SCN8A: variants seen among roughly 807,000 people sequenced by gnomAD.
SCN8A encodes the protein sodium channel protein type 8 subunit alpha.
Under a neutral mutation model 184.1 loss-of-function variants are expected in SCN8A, and 30 were observed. The observed-to-expected ratio is 0.16, with a 90% CI of 0.12 to 0.22. The LOEUF (loss-of-function observed/expected upper bound fraction) is 0.22. Ranked by LOEUF, SCN8A falls within the 10% of genes least tolerant of loss-of-function variation. The pLI, the probability that SCN8A is intolerant of heterozygous loss-of-function variation, is 1.00. For synonymous variants in SCN8A, 852 were observed against 907.0 expected, an observed-to-expected ratio of 0.94 and a Z score of 1.09; for missense variants, 1,057 against 2,498.9, an observed-to-expected ratio of 0.42 and a Z score of 12.30.
In SCN8A at chr12:51,636,384, C is replaced by T. The variant is rs116728022; in HGVS notation, c.-54-26380C>T. 9.5e-3 allele frequency among the ~76,000 whole-genome samples: 1,451 copies of T among 152,260 alleles called. 19 individuals are homozygous for T. Among genetic ancestry groups the T allele is most frequent in the African/African-American group, 0.032 (1,313 of 41,548 alleles). Reference sequence around the variant, plus strand: ...TATCTGGAGTAAGTCAGCCTGTTGGCCCATCACCATCTTCCACCTAGTAAT... The same window carrying T: ...TATCTGGAGTAAGTCAGCCTGTTGGTCCATCACCATCTTCCACCTAGTAAT... On this transcript the variant is annotated intron_variant, in intron 1 of 26. Transcript: ENST00000627620.
chr12:51,807,032 T>G lies in SCN8A; in HGVS notation c.5546T>G (p.Phe1849Cys), dbSNP rs1334207422. ...GDRIHCLDIL[F>C]AFTKRVLGDS... ...CGCATCCACTGCTTGGACATCCTTTTTGCCTTCACCAAGCGGGTCCTGGGA... is the reference window on the plus strand; with the variant it reads ...CGCATCCACTGCTTGGACATCCTTTGTGCCTTCACCAAGCGGGTCCTGGGA... The change falls in exon 27 of 27, where the codon TTT becomes TGT. Residue 1849 changes from phenylalanine to cysteine, a missense_variant. Coordinates refer to ENST00000627620, the MANE Select transcript of SCN8A (RefSeq NM_001330260.2). The surrounding 1 kb of genome is among the most constrained non-coding windows in gnomAD (Gnocchi z 4.5). 1 of 1,613,874 alleles carries G rather than the reference T, an allele frequency of 6.2e-7. No homozygotes were observed. The highest frequency in any genetic ancestry group is 1.3e-5 in the African/African-American group (1 of 74,926).
chr12:51,635,800 T>A (rs985747571), intron 1 of SCN8A, among the ~76,000 whole-genome samples: 2 of 152,224 alleles, frequency 1.3e-5, no homozygotes, highest in African/African-American at 4.8e-5. Context: ...GTGTTGTTTT[T>A]AAATCTGGCC....
chr12:51,753,448 T>A (rs1942626134), intron 14 of SCN8A, among the ~76,000 whole-genome samples: 1 of 152,220 alleles, frequency 6.6e-6, no homozygotes, highest in African/African-American at 2.4e-5. Flanking sequence ...GAGTTCTGTT[T>A]TGGACATATT....
At chr12:51,652,278 A>G (rs1376909977) in intron 1 of SCN8A, among the ~76,000 whole-genome samples, 2 of 151,844 alleles carry the variant, frequency 1.3e-5, no homozygotes, top group Non-Finnish European at 2.9e-5. Context: ...CAGTCAACAA[A>G]ACTGTCCAGT....
chr12:51,641,142 G>A (rs1940444384), intron 1 of SCN8A, among the ~76,000 whole-genome samples: 1 of 152,186 alleles, frequency 6.6e-6, no homozygotes, highest in Non-Finnish European at 1.5e-5. Flanking sequence ...TAAAAATACA[G>A]TGTAACAACT....
At chr12:51,635,715 A>C (rs935143296) in intron 1 of SCN8A, among the ~76,000 whole-genome samples, 1 of 152,172 alleles carries the variant, frequency 6.6e-6, no homozygotes, top group Non-Finnish European at 1.5e-5. Context: ...GAAATAAAGA[A>C]AGTACACCCA....
intron 1 of SCN8A, among the ~76,000 whole-genome samples, chr12:51,641,610 T>A: frequency 6.6e-6 from 1 of 152,246 alleles, no homozygotes; most frequent in East Asian, 1.9e-4. Context: ...GGGATGTATG[T>A]TGCCTTGCTT....
At chr12:51,800,764 T>C (rs1938534384) in intron 26 of SCN8A, among the ~76,000 whole-genome samples, 1 of 152,162 alleles carries the variant, frequency 6.6e-6, no homozygotes, top group African/African-American at 2.4e-5. Context: ...CCTGGAATCA[T>C]TGTCAGCTCA....
In SCN8A at chr12:51,729,382, A is replaced by G. The variant is rs190080931; in HGVS notation, c.1998+7474A>G. Among the ~76,000 whole-genome samples the G allele has an allele frequency of 9.2e-5, 14 of 152,254 alleles. No individual in the cohort carries two copies. The East Asian group carries it at 2.5e-3, about 27-fold the overall frequency. On this transcript the variant is annotated intron_variant, in intron 12 of 26. Coordinates refer to ENST00000627620, the MANE Select transcript of SCN8A (RefSeq NM_001330260.2). The stretch of plus-strand genomic sequence containing the variant: ...GCAACCACTTCTGACTCGTATCACT[A>G]TAGATAGATTTGTTTTCTTTTGTAT...
Position 51,761,968 on chromosome 12 carries a change from G to A in SCN8A, c.2371-535G>A, listed in dbSNP as rs141114971. 9.9e-5 allele frequency among the ~76,000 whole-genome samples: 15 copies of A among 152,004 alleles called. No individual in the cohort carries two copies. The East Asian group carries it at 2.9e-3, about 29-fold the overall frequency. On this transcript the variant is annotated intron_variant, in intron 14 of 26. Coordinates refer to ENST00000627620, the MANE Select transcript of SCN8A (RefSeq NM_001330260.2). ...AAACAGAAAGAAAATACATGAAAAT[G>A]ATAGTTGTATGCAAGGTGGTGAGAT...
chr12:51,796,468 A>G (rs144139196), intron 26 of SCN8A, among the ~76,000 whole-genome samples: 90 of 152,364 alleles, frequency 5.9e-4, no homozygotes, highest in Middle Eastern at 6.8e-3. Flanking sequence ...AAAGAGGAAG[A>G]TGTTTTTGAT....
At chr12:51,689,611 T>G (rs752518874) in intron 6 of SCN8A, 3 of 154,786 alleles carry the variant, frequency 1.9e-5, no homozygotes, top group African/African-American at 7.2e-5. Flanking sequence ...TTTAAGAGAC[T>G]TGGAGTTAGT....
intron 19 of SCN8A, among the ~76,000 whole-genome samples, chr12:51,771,399 C>T (rs1357786067): frequency 6.6e-6 from 1 of 151,240 alleles, no homozygotes; most frequent in East Asian, 1.9e-4. Context: ...TGGGCACATT[C>T]ATGTAGGTGT....
At position 51,704,890 on chromosome 12, in the gene SCN8A, G is replaced by A. The variant is rs143839849; in HGVS notation, c.1135-527G>A. Among the ~76,000 whole-genome samples the A allele has an allele frequency of 7.7e-3, 1,176 of 152,068 alleles. 17 individuals carry two copies. The highest frequency in any genetic ancestry group is 0.01 in the Middle Eastern group (3 of 294). ...CTCGGGAGGCTGAGGCAGGAGAATC[G>A]CTTGAACCTGGGAGGCAGAGGTTGC... is the stretch of plus-strand genomic sequence containing the variant. On this transcript the variant is annotated intron_variant, in intron 9 of 26. Coordinates refer to ENST00000627620, the MANE Select transcript of SCN8A (RefSeq NM_001330260.2).
chr12:51,639,074 G>A (rs1457561254), intron 1 of SCN8A, among the ~76,000 whole-genome samples: 1 of 151,584 alleles, frequency 6.6e-6, no homozygotes, highest in African/African-American at 2.4e-5. Flanking sequence ...TTGACCTCCG[G>A]GCTCAAGTGA....
intron 2 of SCN8A, among the ~76,000 whole-genome samples, chr12:51,673,353 G>A (rs1293343731): frequency 6.6e-6 from 1 of 152,172 alleles, no homozygotes; most frequent in Non-Finnish European, 1.5e-5. Context: ...GTGGATTTTG[G>A]TATCCCTGGG....
chr12:51,734,960 C>T (rs1452479723), intron 12 of SCN8A, among the ~76,000 whole-genome samples: 1 of 152,206 alleles, frequency 6.6e-6, no homozygotes, highest in Non-Finnish European at 1.5e-5. Context: ...TCAGGTGTGC[C>T]TGGGATGCTT....
intron 1 of SCN8A, among the ~76,000 whole-genome samples, chr12:51,593,822 T>A (rs1329864494): frequency 2.6e-5 from 4 of 152,230 alleles, no homozygotes; most frequent in Non-Finnish European, 5.9e-5. Context: ...CTGTCCCTCA[T>A]GGAGACAATG....
chr12:51,796,935 G>T (rs900836657), intron 26 of SCN8A, among the ~76,000 whole-genome samples: 1 of 152,164 alleles, frequency 6.6e-6, no homozygotes, highest in Non-Finnish European at 1.5e-5. Flanking sequence ...GCTGGCAGCC[G>T]ATTAGATGGT....
Sources: gnomAD v4.1 joint callset for allele counts (sites outside exome capture counted in the v4.1 genomes callset) on GRCh38, gnomAD v4.1.1 for gene constraint, Gnocchi (gnomAD v3.1) non-coding constraint, MANE v1.5 for transcripts, NCBI Gene and HGNC (gene_info 2026-07-23, HGNC 2026-07-21) for gene names.